Variants in TNR observed in about 807,000 individuals in gnomAD.
The protein encoded by TNR is tenascin-R.
A neutral mutation model predicts 150.4 loss-of-function variants in TNR; 45 were observed. The ratio of observed to expected loss-of-function variants is 0.30; its 90% CI spans 0.24 to 0.38. The LOEUF is 0.38. TNR is among the 10% of genes least tolerant of loss of function. The pLI, the probability that TNR is intolerant of heterozygous loss-of-function variation, is 1.00. For synonymous variants in TNR, 687 were observed against 678.4 expected (o/e 1.01, Z -0.20); for missense variants, 1,544 against 1,759.1 (o/e 0.88, Z 2.19).
chr1:175,689,113 C>G (rs568949395), intron 1 of TNR, among the ~76,000 whole-genome samples: 1 of 152,186 alleles, frequency 6.6e-6, no homozygotes, highest in Non-Finnish European at 1.5e-5. Context: ...AGGACCACGT[C>G]GGAAACCCTC....
intron 9 of TNR, among the ~76,000 whole-genome samples, chr1:175,369,471 C>A (rs1651992942): frequency 6.6e-6 from 1 of 152,176 alleles, no homozygotes; most frequent in Non-Finnish European, 1.5e-5. Context: ...ATAAACACAC[C>A]AGTCACATTG....
intron 1 of TNR, among the ~76,000 whole-genome samples, chr1:175,686,911 T>A (rs1415290690): frequency 6.6e-6 from 1 of 152,178 alleles, no homozygotes; most frequent in Non-Finnish European, 1.5e-5. Flanking sequence ...TTAAGTTGAT[T>A]CCATGACTTT....
chr1:175,460,751 A>G (rs1293852837), intron 2 of TNR, among the ~76,000 whole-genome samples: 1 of 152,212 alleles, frequency 6.6e-6, no homozygotes, highest in Non-Finnish European at 1.5e-5. Flanking sequence ...AATATGCTGC[A>G]GTTAGGTTTT....
chr1:175,352,821 G>A (rs546786583), intron 18 of TNR, among the ~76,000 whole-genome samples: 8 of 152,282 alleles, frequency 5.3e-5, no homozygotes, highest in Middle Eastern at 3.4e-3. Context: ...CACAATCTCC[G>A]CACTCTATAG....
chr1:175,575,664 T>G (rs1047302721), intron 1 of TNR, among the ~76,000 whole-genome samples: 1 of 152,024 alleles, frequency 6.6e-6, no homozygotes, highest in Non-Finnish European at 1.5e-5. Context: ...GGTTTGGACT[T>G]GAGATGGGCC....
At chr1:175,362,600 G>A (rs924030446) in intron 14 of TNR, 63 bp downstream of exon 14, 38 of 1,580,140 alleles carry the variant, frequency 2.4e-5, no homozygotes, top group Admixed American at 1.4e-4. Flanking sequence ...CTACAAGCCC[G>A]AACAACTTCA....
chr1:175,342,809 G>C (rs750684197), intron 18 of TNR, among the ~76,000 whole-genome samples: 9 of 152,244 alleles, frequency 5.9e-5, no homozygotes, highest in African/African-American at 9.6e-5. Context: ...AGACATCTAA[G>C]ACATCTAAAT....
intron 2 of TNR, among the ~76,000 whole-genome samples, chr1:175,478,102 A>T (rs1290713044): frequency 6.6e-6 from 1 of 152,230 alleles, no homozygotes; most frequent in Non-Finnish European, 1.5e-5. Context: ...TTTATTCTCA[A>T]CTAAAAATAA....
chr1:175,444,831 G>A (rs961888745), intron 2 of TNR, among the ~76,000 whole-genome samples: 1 of 152,154 alleles, frequency 6.6e-6, no homozygotes, highest in South Asian at 2.1e-4. Flanking sequence ...AAATGATAAA[G>A]CAAAAATCAT....
chr1:175,519,644 C>T (rs569853953), intron 2 of TNR, among the ~76,000 whole-genome samples: 3 of 152,196 alleles, frequency 2.0e-5, no homozygotes, highest in African/African-American at 7.2e-5. Flanking sequence ...GGCTCCATTA[C>T]AATTCATTAC....
intron 2 of TNR, among the ~76,000 whole-genome samples, chr1:175,515,448 G>A (rs979260515): frequency 5.9e-5 from 9 of 152,212 alleles, no homozygotes; most frequent in African/African-American, 2.2e-4. Flanking sequence ...TTGAGGAGGA[G>A]GCAATGTTCA....
At chr1:175,467,592 T>G (rs534404164) in intron 2 of TNR, among the ~76,000 whole-genome samples, 2 of 151,342 alleles carry the variant, frequency 1.3e-5, no homozygotes, top group African/African-American at 4.9e-5. Context: ...TGGCCACGAG[T>G]TTTTGGAGGT....
chr1:175,359,139 CT>C (rs758610631), intron 15 of TNR, among the ~76,000 whole-genome samples: 1,449 of 42,034 alleles, frequency 0.034, 31 homozygotes, highest in African/African-American at 0.044. Context: ...GGGATATCTT[CT>C]TTTTTTTTTT....
chr1:175,606,432 A>G (rs1473401203), intron 1 of TNR, among the ~76,000 whole-genome samples: 1 of 152,190 alleles, frequency 6.6e-6, no homozygotes, highest in African/African-American at 2.4e-5. Flanking sequence ...TGAGGTGGCA[A>G]GAAGTAGATG....
At position 175,324,397 on chromosome 1, in the gene TNR, T is replaced by A. The variant is rs199853947; in HGVS notation, c.3916A>T (p.Thr1306Ser). 2.8e-5 allele frequency: 45 copies of A among 1,614,112 alleles called. No homozygotes were observed. In the East Asian group the frequency reaches 8.9e-4, roughly 32 times the overall value. The change falls in exon 22 of 23, where the codon ACC (threonine) becomes TCC (serine). Residue 1306 changes from threonine (T) to serine (S), a missense_variant. Coordinates refer to ENST00000367674, the MANE Select transcript of TNR (RefSeq NM_003285.3). ...GAWWYKNCHR[T>S]NLNGKYGESR... ...TCCCCGTACTTCCCATTGAGGTTGG[T>A]CCGGTGGCAGTTCTTATACCACCAT...
chr1:175,719,421 G>A (rs1371517657), intron 1 of TNR, among the ~76,000 whole-genome samples: 1 of 152,214 alleles, frequency 6.6e-6, no homozygotes, highest in Non-Finnish European at 1.5e-5. Context: ...TCAGAGTCTT[G>A]ACTGCAGAGT....
intron 1 of TNR, among the ~76,000 whole-genome samples, chr1:175,585,525 A>G (rs969348486): frequency 1.3e-5 from 2 of 152,214 alleles, no homozygotes; most frequent in East Asian, 1.9e-4. Context: ...ACTTGAATGA[A>G]TACCATAGAT....
intron 1 of TNR, among the ~76,000 whole-genome samples, chr1:175,619,672 G>C (rs558050983): frequency 3.9e-5 from 6 of 152,206 alleles, no homozygotes; most frequent in Non-Finnish European, 5.9e-5. Flanking sequence ...TGAGGTAATA[G>C]AGTTCCAGAG....
intron 2 of TNR, among the ~76,000 whole-genome samples, chr1:175,418,506 G>A (rs1025745963): frequency 2.6e-5 from 4 of 152,162 alleles, no homozygotes; most frequent in African/African-American, 9.7e-5. Context: ...GATGGATCAC[G>A]AGGTCAGGAG....
Sources: gnomAD v4.1 joint callset for allele counts (sites outside exome capture counted in the v4.1 genomes callset) on GRCh38, gnomAD v4.1.1 for gene constraint, MANE v1.5 for transcripts, NCBI Gene and HGNC (gene_info 2026-07-23, HGNC 2026-07-21) for gene names.